ERO1A: variants seen among roughly 807,000 people sequenced by gnomAD.
ERO1A encodes ERO1-like protein alpha.
In ERO1A, 49 loss-of-function variants were observed where a neutral mutation model predicts 76.9. The observed-to-expected ratio is 0.64, with a 90% CI of 0.51 to 0.81. The LOEUF is 0.81. ERO1A is among the 30% of genes least tolerant of loss of function. The probability of loss-of-function intolerance (pLI) is 0.00; values close to 1 mark genes in which losing one functional copy is unlikely to be tolerated. For synonymous variants in ERO1A, 174 were observed against 181.2 expected, an observed-to-expected ratio of 0.96 and a Z score of 0.32; for missense variants, 448 against 542.1, an observed-to-expected ratio of 0.83 and a Z score of 1.72.
chr14:52,648,538 G>T (rs1435901463), intron 13 of ERO1A, among the ~76,000 whole-genome samples: 2 of 152,110 alleles, frequency 1.3e-5, no homozygotes, highest in Non-Finnish European at 2.9e-5. Context: ...GAAATGTTAT[G>T]ATCAATAAAA....
At position 52,671,612 on chromosome 14, in the gene ERO1A, C is replaced by T. The variant is rs1201855938; in HGVS notation, c.508+18G>A. ...GGTATAATTTTAAACACAATGCATA[C>T]TATCAAAAATATTATACCATCAGCT... On this transcript the variant is annotated intron_variant, in intron 6 of 15. Transcript: ENST00000395686. 6.4e-7 allele frequency: 1 copy of T among 1,561,048 alleles called. No homozygotes were observed. The highest frequency in any genetic ancestry group is 1.4e-5 in the African/African-American group (1 of 73,390).
chr14:52,682,507 G>C, intron 2 of ERO1A, 99 bp from the exon 3 acceptor site: 1 of 829,658 alleles, frequency 1.2e-6, no homozygotes, highest in South Asian at 1.7e-5. Flanking sequence ...CATGTTATCA[G>C]GTGCAAATAC....
chr14:52,683,366 G>A (rs1366134740), intron 2 of ERO1A, among the ~76,000 whole-genome samples: 1 of 152,128 alleles, frequency 6.6e-6, no homozygotes, highest in African/African-American at 2.4e-5. Context: ...CCATTGATCA[G>A]GTTTTCTAAA....
At chr14:52,658,369 C>A in intron 9 of ERO1A, 1 of 498,126 alleles carries the variant, frequency 2.0e-6, no homozygotes, top group Non-Finnish European at 3.6e-6. Context: ...AAGGCTTTAG[C>A]ATTGCCTTAG....
intron 15 of ERO1A, 123 bp downstream of exon 15, chr14:52,646,031 G>T: frequency 8.8e-7 from 1 of 1,142,150 alleles, no homozygotes; most frequent in Non-Finnish European, 1.2e-6. Context: ...CCAAAACTCC[G>T]TCTCAAAAAT....
At chr14:52,661,079 C>G (rs1166491102) in intron 9 of ERO1A, among the ~76,000 whole-genome samples, 1 of 152,154 alleles carries the variant, frequency 6.6e-6, no homozygotes, top group Non-Finnish European at 1.5e-5. Context: ...AATGAATGAT[C>G]AGAGGCTGAG....
rs1465645152 is a variant in ERO1A at position 52,640,953 on chromosome 14, A to G, written c.*2617T>C. On this transcript the variant is annotated 3_prime_UTR_variant, in exon 16 of 16. Coordinates refer to ENST00000395686, the MANE Select transcript of ERO1A (RefSeq NM_014584.3). ...AGGATTTAGGAACTGCTGAATTAAA[A>G]TTACCCAAGCGTGAGAAGTGGTGTT... The G allele has an allele frequency of 2.6e-5, 4 of 152,156 alleles. No individual in the cohort carries two copies. The highest frequency in any genetic ancestry group is 6.5e-5 in the Admixed American group (1 of 15,274). The allele number at this position is 152,156 out of a possible 1,614,324, so 9.4% of individuals were successfully genotyped here. A position where few individuals can be genotyped will look rare whatever the true frequency, so the allele number is the denominator to read the frequency against.
intron 11 of ERO1A, among the ~76,000 whole-genome samples, chr14:52,653,854 T>C (rs1232329182): frequency 6.6e-6 from 1 of 152,218 alleles, no homozygotes; most frequent in African/African-American, 2.4e-5. Flanking sequence ...TCTTTGAACA[T>C]GTGGTCTCTC....
intron 1 of ERO1A, 79 bp downstream of exon 1, chr14:52,695,289 C>T (rs2041513605): frequency 9.1e-6 from 9 of 988,886 alleles, no homozygotes; most frequent in Non-Finnish European, 1.2e-5. Context: ...CCCCCAGCCG[C>T]TCACCCGCCA....
At chr14:52,673,813 T>C (rs928990809) in intron 4 of ERO1A, among the ~76,000 whole-genome samples, 8 of 152,024 alleles carry the variant, frequency 5.3e-5, no homozygotes, top group Non-Finnish European at 1.0e-4. Context: ...ACTTGGCTCA[T>C]TGCAATCTCT....
At chr14:52,678,131 T>C (rs2040864165) in intron 4 of ERO1A, among the ~76,000 whole-genome samples, 1 of 151,886 alleles carries the variant, frequency 6.6e-6, no homozygotes, top group African/African-American at 2.4e-5. Context: ...CCAGGCATGG[T>C]GGTGAGTGCC....
In ERO1A at chr14:52,642,012, CCA is replaced by C. The variant is rs1264676431; in HGVS notation, c.*1556_*1557del. The C allele has an allele frequency of 6.6e-6, 1 of 152,132 alleles. No individual in the cohort carries two copies. 9.4% of individuals were successfully genotyped at this position (152,132 alleles called of 1,614,324 possible). A position where few individuals can be genotyped will look rare whatever the true frequency, so the allele number is the denominator to read the frequency against. ...TTCTTAACCACTATATAAATAAACC[CCA>C]CTTTACTACTAATGTGACATTTCAA... is the stretch of plus-strand genomic sequence containing the variant. On this transcript the variant is annotated 3_prime_UTR_variant, in exon 16 of 16. Transcript: ENST00000395686.
intron 3 of ERO1A, among the ~76,000 whole-genome samples, chr14:52,681,373 C>T (rs1488569873): frequency 6.6e-6 from 1 of 152,044 alleles, no homozygotes; most frequent in African/African-American, 2.4e-5. Context: ...GCAGGCAGAT[C>T]ACCTGAGGTT....
intron 7 of ERO1A, 99 bp from the exon 8 acceptor site, chr14:52,663,946 C>A: frequency 3.0e-6 from 2 of 669,900 alleles, no homozygotes; most frequent in South Asian, 3.9e-5. Context: ...TATCCAAAAT[C>A]AAATTGTTTT....
chr14:52,668,087 G>A (rs375159915), intron 6 of ERO1A, among the ~76,000 whole-genome samples: 2 of 151,772 alleles, frequency 1.3e-5, no homozygotes, highest in African/African-American at 4.8e-5. Flanking sequence ...ATGCAGAAGT[G>A]GCAATTAAAA....
intron 1 of ERO1A, among the ~76,000 whole-genome samples, chr14:52,693,394 A>T: frequency 6.6e-6 from 1 of 152,278 alleles, no homozygotes; most frequent in Non-Finnish European, 1.5e-5. Context: ...CCAAACTCCA[A>T]GTTCTTCAGT....
At chr14:52,675,349 C>T (rs1037459463) in intron 4 of ERO1A, among the ~76,000 whole-genome samples, 8 of 151,490 alleles carry the variant, frequency 5.3e-5, no homozygotes, top group African/African-American at 1.7e-4. Flanking sequence ...CGCCATTGCA[C>T]TCCAGACTGT....
chr14:52,686,347 C>T (rs2041175261), intron 1 of ERO1A, among the ~76,000 whole-genome samples: 1 of 152,304 alleles, frequency 6.6e-6, no homozygotes, highest in Non-Finnish European at 1.5e-5. Flanking sequence ...ATGGTGTGCT[C>T]AGTGCCCCAG....
chr14:52,692,132 T>G (rs1158923057), intron 1 of ERO1A, among the ~76,000 whole-genome samples: 1 of 152,240 alleles, frequency 6.6e-6, no homozygotes, highest in Non-Finnish European at 1.5e-5. Context: ...CCTGTTGGCA[T>G]AGTGCTTGCA....
Sources: gnomAD v4.1 joint callset for allele counts (sites outside exome capture counted in the v4.1 genomes callset) on GRCh38, gnomAD v4.1.1 for gene constraint, MANE v1.5 for transcripts, NCBI Gene and HGNC (gene_info 2026-07-23, HGNC 2026-07-21) for gene names.